PKD1L1: variants seen among roughly 807,000 people sequenced by gnomAD.
PKD1L1 encodes polycystin-1-like protein 1.
PKD1L1 carries 236 observed loss-of-function variants against 323.4 expected under a neutral mutation model. The ratio of observed to expected loss-of-function variants is 0.73; its 90% CI spans 0.66 to 0.81. The LOEUF (loss-of-function observed/expected upper bound fraction) is 0.81. PKD1L1 is among the 40% of genes least tolerant of loss of function. The pLI is 0.00. For missense variants in PKD1L1, 3,320 were observed against 3,508.0 expected (o/e 0.95, Z 1.35); for synonymous variants, 1,344 against 1,335.0 (o/e 1.01, Z -0.15).
At chr7:47,787,025 CTAGTTTA>C (rs1786823922) in intron 56 of PKD1L1, among the ~76,000 whole-genome samples, 1 of 152,116 alleles carries the variant, frequency 6.6e-6, no homozygotes, top group African/African-American at 2.4e-5. Context: ...TCCAATCCTT[CTAGTTTA>C]TAAAGATACA....
At position 47,774,984 on chromosome 7, in the gene PKD1L1, T is replaced by G. The variant is rs1051273567; in HGVS notation, c.*159A>C. ...GACAGATAAACCTTGATTTTCATCC[T>G]GGTTTCCCATTTACTTGTTACGTGA... On this transcript the variant is annotated 3_prime_UTR_variant, in exon 57 of 57. Transcript: ENST00000289672. The G allele has an allele frequency of 1.4e-6, 1 of 727,778 alleles. No individual in the cohort carries two copies. The highest frequency in any genetic ancestry group is 2.5e-5 in the East Asian group (1 of 39,332). 45.1% of individuals were successfully genotyped at this position (727,778 alleles called of 1,614,324 possible).
chr7:47,795,861 T>C, intron 55 of PKD1L1, 128 bp downstream of exon 55: 3 of 1,117,354 alleles, frequency 2.7e-6, no homozygotes, highest in Non-Finnish European at 3.9e-6. Context: ...ACTAATTTTG[T>C]GGCTTTGCAA....
rs570375263 is a variant in PKD1L1, at chr7:47,839,732, A to G, written c.5553-70T>C. The G allele has an allele frequency of 1.2e-4, 171 of 1,420,870 alleles. 2 individuals carry two copies. In the South Asian group the frequency reaches 1.5e-3, roughly 13 times the overall value. The allele number at this position is 1,420,870 out of a possible 1,614,324, so 88.0% of individuals were successfully genotyped here. A position where few individuals can be genotyped will look rare whatever the true frequency, so the allele number is the denominator to read the frequency against. ...TGGTCCTGGCATCCCATCAGCCCCA[A>G]TGCTCACCCTCAAGGCACTGATGGC... is the stretch of plus-strand genomic sequence containing the variant. On this transcript the variant is annotated intron_variant, in intron 35 of 56. Coordinates refer to ENST00000289672, the MANE Select transcript of PKD1L1 (RefSeq NM_138295.5). The surrounding 1 kb of genome is among the most constrained non-coding windows in gnomAD (Gnocchi z 4.3).
intron 1 of PKD1L1, among the ~76,000 whole-genome samples, chr7:47,945,844 A>G (rs1788082720): frequency 6.6e-6 from 1 of 152,118 alleles, no homozygotes; most frequent in Non-Finnish European, 1.5e-5. Context: ...TCCAAGTGCT[A>G]CACACAGAAA....
chr7:47,862,640 A>C (rs187514790), intron 26 of PKD1L1, among the ~76,000 whole-genome samples: 67 of 152,354 alleles, frequency 4.4e-4, no homozygotes, highest in African/African-American at 1.4e-3. Context: ...AATTACCTTC[A>C]GATGGTGGGT....
chr7:47,887,644 C>T (rs1051070831), intron 17 of PKD1L1, among the ~76,000 whole-genome samples: 7 of 152,224 alleles, frequency 4.6e-5, no homozygotes, highest in African/African-American at 7.2e-5. Flanking sequence ...AAAAGACAGG[C>T]GAGGTGGTGA....
In PKD1L1 at chr7:47,893,981, T is replaced by C; in HGVS notation, c.2350A>G (p.Ile784Val). Residue 784 changes from isoleucine (I) to valine (V), a missense_variant, in exon 15 of 57, where the codon ATC becomes GTC. Ile to Val is a conservative substitution (Grantham distance 29). Coordinates refer to ENST00000289672, the MANE Select transcript of PKD1L1 (RefSeq NM_138295.5). The stretch of plus-strand genomic sequence containing the variant: ...AAGAATAGGTGTGTGCCCTCGGAGA[T>C]CACACTGACAGGGGCCTGGGCTCGC... ...EVRAQAPVSV[I>V]SEGTHLFFSR... 1.2e-6 allele frequency: 2 copies of C among 1,613,576 alleles called. No individual in the cohort carries two copies. Among genetic ancestry groups the C allele is most frequent in the Non-Finnish European group, 1.7e-6 (2 of 1,179,804 alleles).
chr7:47,846,158 CT>C (rs1785661211), intron 32 of PKD1L1, among the ~76,000 whole-genome samples: 1 of 152,104 alleles, frequency 6.6e-6, no homozygotes, highest in South Asian at 2.1e-4. Flanking sequence ...AATATAATGT[CT>C]TATGGCTTAT....
rs1435792343 is a variant in PKD1L1, at chr7:47,865,262, A to G, written c.4103T>C (p.Ile1368Thr). The change falls in exon 26 of 57, where the codon ATT becomes ACT. Residue 1368 changes from isoleucine to threonine, a missense_variant. Ile to Thr is a moderately conservative substitution (Grantham distance 89, BLOSUM62 -1). Transcript: ENST00000289672. ...GTCCCTCAACATAAGAACAGAACCA[A>G]TCATTTCTTCCTGACCAGAAGAAAC... is the stretch of plus-strand genomic sequence containing the variant. Reference protein sequence around the residue: ...RLAFVDQEEMIGSVLMLRDLV... With the variant: ...RLAFVDQEEMTGSVLMLRDLV... 2.5e-6 allele frequency: 4 copies of G among 1,613,204 alleles called. No homozygotes were observed. The highest frequency in any genetic ancestry group is 3.4e-6 in the Non-Finnish European group (4 of 1,179,506).
chr7:47,959,786 G>A, the PKD1L1 span, among the ~76,000 whole-genome samples: 2 of 150,028 alleles, frequency 1.3e-5, no homozygotes, highest in Admixed American at 6.6e-5. Flanking sequence ...CCCCGTCCGG[G>A]AGGTGAGGGG....
intron 41 of PKD1L1, among the ~76,000 whole-genome samples, chr7:47,831,737 G>A (rs1017408294): frequency 1.1e-4 from 17 of 152,310 alleles, no homozygotes; most frequent in African/African-American, 3.8e-4. Flanking sequence ...CCCTCAGAAG[G>A]CTTTTGGGGA....
rs569150360 is a variant in PKD1L1, at chr7:47,940,323, G to GA, written c.161-7dup. On this transcript the variant is annotated splice_polypyrimidine_tract_variant and splice_region_variant and intron_variant, in intron 2 of 56. Transcript: ENST00000289672. Reference sequence around the variant, plus strand: ...CACATGATTAGCATAGACCTCTAGAGAAAAAAAAAAAAGCAAACATTCTGA... The same window carrying GA: ...CACATGATTAGCATAGACCTCTAGAGAAAAAAAAAAAAAGCAAACATTCTGA... 34,057 of 1,201,194 alleles carry GA rather than the reference G, an allele frequency of 0.028. 7 individuals are homozygous for GA. Among genetic ancestry groups the GA allele is most frequent in the East Asian group, 0.065 (2,271 of 34,674 alleles). 74.4% of individuals were successfully genotyped at this position (1,201,194 alleles called of 1,614,324 possible).
At chr7:47,869,770 C>T (rs1786240731) in intron 24 of PKD1L1, among the ~76,000 whole-genome samples, 1 of 152,078 alleles carries the variant, frequency 6.6e-6, no homozygotes, top group South Asian at 2.1e-4. Context: ...ATTTAGCCAA[C>T]AAAATCAGAT....
rs1356014424 is a variant in PKD1L1, at chr7:47,946,008, C to T, written c.44+2389G>A. On this transcript the variant is annotated intron_variant, in intron 1 of 56. Transcript: ENST00000289672. This position sits in a 1 kb window ranked among gnomAD's most constrained non-coding sequence, Gnocchi z 4.1. ...TAATTTTCCTTGAGATTTCAGAGGTCTTTTCAAATAAAAAAAATGGAAGGG... is the reference window on the plus strand; with the variant it reads ...TAATTTTCCTTGAGATTTCAGAGGTTTTTTCAAATAAAAAAAATGGAAGGG... Among the ~76,000 whole-genome samples the T allele has an allele frequency of 1.3e-5, 2 of 152,120 alleles. No individual in the cohort carries two copies. The highest frequency in any genetic ancestry group is 4.8e-5 in the African/African-American group (2 of 41,416).
intron 30 of PKD1L1, among the ~76,000 whole-genome samples, chr7:47,853,926 G>A (rs541062263): frequency 1.6e-4 from 25 of 152,302 alleles, no homozygotes; most frequent in Admixed American, 9.8e-4. Context: ...GCATGTTTGT[G>A]TTAACTCTTT....
At chr7:47,877,669 G>T (rs1786440152) in intron 21 of PKD1L1, 38 bp from the exon 22 acceptor site, 2 of 1,606,754 alleles carry the variant, frequency 1.2e-6, no homozygotes, top group Non-Finnish European at 1.7e-6. Context: ...CACCCATGAT[G>T]GAGAATTACA....
Position 47,905,835 on chromosome 7 carries a change from A to T in PKD1L1, c.1522+8T>A. On this transcript the variant is annotated splice_region_variant and intron_variant, in intron 10 of 56. Transcript: ENST00000289672. ...TTTGTTAAATCTGGAATTAAAACAAAGACATACATTGCATCTTATACCAGA... is the reference window on the plus strand; with the variant it reads ...TTTGTTAAATCTGGAATTAAAACAATGACATACATTGCATCTTATACCAGA... 1 of 1,610,700 alleles carries T rather than the reference A, an allele frequency of 6.2e-7. No individual in the cohort carries two copies. The highest frequency in any genetic ancestry group is 1.1e-5 in the South Asian group (1 of 90,118).
chr7:47,867,909 CAGGAAGAAAAAAGT>C (rs1786201316), intron 24 of PKD1L1, among the ~76,000 whole-genome samples: 1 of 151,928 alleles, frequency 6.6e-6, no homozygotes, highest in Admixed American at 6.6e-5. Context: ...TTATAAATAA[CAGGAAGAAAAAAGT>C]AGGAAGAAAA....
In PKD1L1 at chr7:47,839,656, A is replaced by G; in HGVS notation, c.5559T>C (p.Pro1853=). The G allele has an allele frequency of 3.2e-6, 5 of 1,565,768 alleles. No homozygotes were observed. In the South Asian group the frequency reaches 3.5e-5, roughly 11 times the overall value. ...NSRHTFILSA[P]AQLGLLRKIR... ...TCTTCCTCAGCAGGCCCAGTTGGGC[A>G]GGAGCGCTGGAGGCACACACAGCAG... The change falls in exon 36 of 57, where the codon CCT becomes CCC. Residue 1853 remains proline (P), a synonymous_variant. Coordinates refer to ENST00000289672, the MANE Select transcript of PKD1L1 (RefSeq NM_138295.5). The surrounding 1 kb of genome is among the most constrained non-coding windows in gnomAD (Gnocchi z 4.3).
Sources: allele counts gnomAD v4.1 joint callset (sites outside exome capture counted in the v4.1 genomes callset), GRCh38; gene constraint gnomAD v4.1.1; non-coding constraint Gnocchi (gnomAD v3.1); transcripts MANE v1.5; gene names NCBI Gene and HGNC (gene_info 2026-07-23, HGNC 2026-07-21).